CHD4: variants seen among roughly 807,000 people sequenced by gnomAD.
CHD4 encodes ATP-dependent chromatin remodeler CHD4.
Under a neutral mutation model 235.5 loss-of-function variants are expected in CHD4, and 35 were observed. The ratio of observed to expected loss-of-function variants is 0.15; its 90% CI spans 0.11 to 0.20. CHD4 has a LOEUF of 0.20. CHD4 is among the 10% of genes least tolerant of loss of function. CHD4 has a pLI of 1.00. For synonymous variants in CHD4, 900 were observed against 850.2 expected, an observed-to-expected ratio of 1.06 and a Z score of -1.02; for missense variants, 1,329 against 2,432.3, an observed-to-expected ratio of 0.55 and a Z score of 9.54.
intron 25 of CHD4, 125 bp from the exon 26 acceptor site, chr12:6,583,503 C>T: frequency 2.6e-6 from 2 of 783,618 alleles, no homozygotes; most frequent in Non-Finnish European, 4.1e-6. Flanking sequence ...CTTGGTGTGC[C>T]TGTTTGGACC....
rs184544145 is a variant in CHD4 at position 6,602,635 on chromosome 12, G to A, written c.101-138C>T. The A allele has an allele frequency of 1.4e-5, 16 of 1,162,192 alleles. No homozygotes were observed. The African/African-American group carries it at 1.6e-4, about 11-fold the overall frequency. The allele number at this position is 1,162,192 out of a possible 1,614,324, so 72.0% of individuals were successfully genotyped here. On this transcript the variant is annotated intron_variant, in intron 2 of 39. Coordinates refer to ENST00000544040, the MANE Select transcript of CHD4 (RefSeq NM_001273.5). Reference sequence around the variant, plus strand: ...GAAGAGAACTGCTATACTCTGTACAGGAGGAAGCTGATACCCAGGACAAAA... The same window carrying A: ...GAAGAGAACTGCTATACTCTGTACAAGAGGAAGCTGATACCCAGGACAAAA...
rs1565615563 is a variant in CHD4 at position 6,597,956 on chromosome 12, T to C, written c.1830A>G (p.Glu610=). 1 of 1,614,202 alleles carries C rather than the reference T, an allele frequency of 6.2e-7. No individual in the cohort carries two copies. The highest frequency in any genetic ancestry group is 8.5e-7 in the Non-Finnish European group (1 of 1,180,038). The change falls in exon 12 of 40, where the codon GAA becomes GAG. Residue 610 remains glutamate, a synonymous_variant. Transcript: ENST00000544040. ...NKDPKFAEME[E]RFYRYGIKPE... ...GTTTTATCCCATAGCGATAGAAGCG[T>C]TCCTCCATCTCTGCAAATTTAGGGT...
At chr12:6,602,293 A>G (rs1948610733) in intron 3 of CHD4, 83 bp downstream of exon 3, 2 of 1,602,222 alleles carry the variant, frequency 1.2e-6, no homozygotes, top group African/African-American at 1.4e-5. Context: ...TGAGAAAGAA[A>G]CAAATGCCCT....
intron 25 of CHD4, chr12:6,583,641 A>C: frequency 2.4e-6 from 1 of 422,200 alleles, no homozygotes; most frequent in Non-Finnish European, 4.2e-6. Context: ...AAGAGACAGA[A>C]TGCTTTCTTC....
At chr12:6,574,160 T>C (rs558922046) in intron 37 of CHD4, among the ~76,000 whole-genome samples, 1 of 152,328 alleles carries the variant, frequency 6.6e-6, no homozygotes, top group African/African-American at 2.4e-5. Context: ...TTTTAAAAAC[T>C]GTTTCTGTTT....
At chr12:6,601,594 G>A in intron 5 of CHD4, 54 bp downstream of exon 5, 2 of 1,613,270 alleles carry the variant, frequency 1.2e-6, no homozygotes, top group South Asian at 1.1e-5. Flanking sequence ...AGAGAAGTAA[G>A]AAGAGAGAAC....
chr12:6,588,060 A>C, intron 23 of CHD4, 111 bp from the exon 24 acceptor site: 3 of 1,234,926 alleles, frequency 2.4e-6, no homozygotes, highest in Non-Finnish European at 3.4e-6. Flanking sequence ...CACAGCCTAC[A>C]TTCATAGGAA....
intron 19 of CHD4, 30 bp from the exon 20 acceptor site, chr12:6,592,087 G>A: frequency 1.2e-6 from 2 of 1,613,366 alleles, no homozygotes; most frequent in Non-Finnish European, 1.7e-6. Context: ...AGACAGGTTA[G>A]ACTTGAGAGC....
rs1355877221 is a variant in CHD4 at position 6,593,586 on chromosome 12, C to A, written c.2344G>T (p.Ala782Ser). ...GHSKGPFLVS[A>S]PLSTIINWER... ...CAGTTGATGATGGTAGAAAGAGGGG[C>A]GCTCACTAGGAAGGGGCCTTTGGAA... Residue 782 changes from alanine to serine, a missense_variant, in exon 16 of 40, where the codon GCC (alanine) becomes TCC (serine). Ala to Ser is a moderately conservative substitution (Grantham distance 99, BLOSUM62 1). Around this residue, in one of 26 missense-constraint regions of CHD4, gnomAD observed 78 missense variants for 174.8 expected, o/e 0.45. Transcript: ENST00000544040. This position sits in a 1 kb window ranked among gnomAD's most constrained non-coding sequence, Gnocchi z 4.9. 6.2e-7 allele frequency: 1 copy of A among 1,614,000 alleles called. No individual in the cohort carries two copies. Among genetic ancestry groups the A allele is most frequent in the African/African-American group, 1.3e-5 (1 of 74,890 alleles).
At chr12:6,595,224 A>G in intron 14 of CHD4, 110 bp downstream of exon 14, 1 of 895,468 alleles carries the variant, frequency 1.1e-6, no homozygotes, top group Non-Finnish European at 1.7e-6. Context: ...AAGTAATCTC[A>G]GCTACAAAGT....
At chr12:6,591,309 A>C in intron 22 of CHD4, 157 bp downstream of exon 22, 1 of 623,594 alleles carries the variant, frequency 1.6e-6, no homozygotes, top group Non-Finnish European at 2.8e-6. Flanking sequence ...GGAATAGTCC[A>C]ATACATTCGT....
chr12:6,602,545 A>G (rs754471509), intron 2 of CHD4, 48 bp from the exon 3 acceptor site: 4 of 1,603,202 alleles, frequency 2.5e-6, no homozygotes, highest in Non-Finnish European at 3.4e-6. Flanking sequence ...GATCAATAGC[A>G]AAAGGTTAGG....
At position 6,595,337 on chromosome 12, in the gene CHD4, A is replaced by G. The variant is rs764004840; in HGVS notation, c.2118T>C (p.Val706=). The part of the protein sequence containing the change: ...KLERPPETPT[V]DPTVKYERQP... ...AGTCCCTTCCACCCCCACTCACATC[A>G]ACTGTTGGCGTTTCTGGAGGCCTCT... The change falls in exon 14 of 40, where the codon GTT becomes GTC. Residue 706 remains valine, a synonymous_variant. Coordinates refer to ENST00000544040, the MANE Select transcript of CHD4 (RefSeq NM_001273.5). 2 of 1,613,858 alleles carry G rather than the reference A, an allele frequency of 1.2e-6. No individual in the cohort carries two copies. Among genetic ancestry groups the G allele is most frequent in the Non-Finnish European group, 1.7e-6 (2 of 1,179,772 alleles).
In CHD4 at chr12:6,598,049, A is replaced by C; in HGVS notation, c.1737T>G (p.Asp579Glu). The C allele has an allele frequency of 6.2e-7, 1 of 1,614,178 alleles. No individual in the cohort carries two copies. The highest frequency in any genetic ancestry group is 8.5e-7 in the Non-Finnish European group (1 of 1,180,028). ...AGTCCCCAGAAGGTGGCTCATCCAT[A>C]TCATTCTTCCGCTGATAGTTTCGGA... ...VMFRNYQRKN[D>E]MDEPPSGDFG... Residue 579 changes from aspartate to glutamate, a missense_variant, in exon 12 of 40, where the codon GAT becomes GAG. Asp to Glu is a conservative substitution (Grantham distance 45). Transcript: ENST00000544040.
chr12:6,605,684 T>C (rs1252931916), intron 2 of CHD4, among the ~76,000 whole-genome samples: 1 of 151,936 alleles, frequency 6.6e-6, no homozygotes, highest in Non-Finnish European at 1.5e-5. Flanking sequence ...CCCCATCACT[T>C]CCCCACTCAA....
At chr12:6,578,611 G>C in intron 34 of CHD4, 65 bp from the exon 35 acceptor site, 3 of 1,602,038 alleles carry the variant, frequency 1.9e-6, no homozygotes, top group Non-Finnish European at 2.6e-6. Flanking sequence ...CCCTTACCCA[G>C]AACACTGTAT....
chr12:6,606,254 G>C lies in CHD4; in HGVS notation c.100+20C>G. 6.7e-7 allele frequency: 1 copy of C among 1,501,020 alleles called. No homozygotes were observed. Among genetic ancestry groups the C allele is most frequent in the Non-Finnish European group, 9.2e-7 (1 of 1,091,326 alleles). The allele number at this position is 1,501,020 out of a possible 1,614,324, so 93.0% of individuals were successfully genotyped here. On this transcript the variant is annotated intron_variant, in intron 2 of 39. Transcript: ENST00000544040. ...CCCAGATGTCTCCTTCCCGCCATGG[G>C]CCCTTGGGGAAGATGTTACCTGGGT...
At position 6,591,896 on chromosome 12, in the gene CHD4, C is replaced by T. The variant is rs771328245; in HGVS notation, c.3090+20G>A. On this transcript the variant is annotated intron_variant, in intron 20 of 39. Transcript: ENST00000544040. ...GGAGAAGACCCAACCCAGGGAGGAACAGGAGATGGCACTACATACCATTGC... is the reference window on the plus strand; with the variant it reads ...GGAGAAGACCCAACCCAGGGAGGAATAGGAGATGGCACTACATACCATTGC... 2.5e-6 allele frequency: 4 copies of T among 1,614,018 alleles called. No homozygotes were observed. In the South Asian group the frequency reaches 3.3e-5, roughly 13 times the overall value.
intron 22 of CHD4, 84 bp downstream of exon 22, chr12:6,591,382 A>G (rs1948397364): frequency 9.4e-7 from 1 of 1,058,898 alleles, no homozygotes; most frequent in African/African-American, 1.6e-5. Context: ...AGAACTACAC[A>G]GAAAAGGAGA....
Sources: allele counts gnomAD v4.1 joint callset (sites outside exome capture counted in the v4.1 genomes callset), GRCh38; gene constraint gnomAD v4.1.1; regional missense constraint gnomAD v4.1.1; non-coding constraint Gnocchi (gnomAD v3.1); transcripts MANE v1.5; gene names NCBI Gene and HGNC (gene_info 2026-07-23, HGNC 2026-07-21).